Variants in MAP1LC3A observed in about 807,000 individuals in gnomAD.
MAP1LC3A encodes microtubule associated protein 1 light chain 3 alpha, also known as microtubule-associated protein 1 light chain 3 alpha.
Under a neutral mutation model 15.2 loss-of-function variants are expected in MAP1LC3A, and 10 were observed. The observed-to-expected ratio is 0.66, with a 90% CI of 0.41 to 1.12. The LOEUF is 1.12. MAP1LC3A is among the 50% of genes most tolerant of loss of function. The pLI is 0.00. For synonymous variants in MAP1LC3A, 63 were observed against 64.3 expected, an observed-to-expected ratio of 0.98 and a Z score of 0.10; for missense variants, 138 against 167.3, an observed-to-expected ratio of 0.82 and a Z score of 0.97.
At position 34,560,097 on chromosome 20, in the gene MAP1LC3A, G is replaced by T; in HGVS notation, c.*199G>T. On this transcript the variant is annotated 3_prime_UTR_variant, in exon 4 of 4. Coordinates refer to ENST00000360668, the MANE Select transcript of MAP1LC3A (RefSeq NM_032514.4). ...GGTCGTGTTAGGGTTGTCCCTCTGG[G>T]TGCTGGCTGGTGGGATGGGGGAGGG... is the stretch of plus-strand genomic sequence containing the variant. The T allele has an allele frequency of 2.1e-6, 1 of 478,164 alleles. No homozygotes were observed. 29.6% of individuals were successfully genotyped at this position (478,164 alleles called of 1,614,324 possible).
At chr20:34,548,492 AGAG>A (rs34240585) in intron 1 of MAP1LC3A, among the ~76,000 whole-genome samples, 57,695 of 151,846 alleles carry the variant, frequency 0.38, 11,388 homozygotes, top group Admixed American at 0.54. Flanking sequence ...CCCTGGCTCA[AGAG>A]GAGGACAGAT....
At chr20:34,553,034 C>G (rs1982004977) in intron 2 of MAP1LC3A, among the ~76,000 whole-genome samples, 1 of 152,000 alleles carries the variant, frequency 6.6e-6, no homozygotes, top group Non-Finnish European at 1.5e-5. Flanking sequence ...ACCAAAAATA[C>G]AAAAATTAGC....
Position 34,560,273 on chromosome 20 carries a change from C to A in MAP1LC3A, c.*375C>A. ...GACTGGCCCCTGGCTCCCCGCCCCT[C>A]GGTCTCCACGTGGTGTATGGATCTG... On this transcript the variant is annotated 3_prime_UTR_variant, in exon 4 of 4. Coordinates refer to ENST00000360668, the MANE Select transcript of MAP1LC3A (RefSeq NM_032514.4). 1 of 223,346 alleles carries A rather than the reference C, an allele frequency of 4.5e-6. No homozygotes were observed. Among genetic ancestry groups the A allele is most frequent in the Non-Finnish European group, 8.9e-6 (1 of 111,960 alleles). The allele number at this position is 223,346 out of a possible 1,614,324, so 13.8% of individuals were successfully genotyped here. A position where few individuals can be genotyped will look rare whatever the true frequency, so the allele number is the denominator to read the frequency against.
In MAP1LC3A at chr20:34,558,799, G is replaced by GAGCCCCCAA; in HGVS notation, c.-68_-60dup. ...TTGAGCGCGAGGCGCGGAGCCCCCG[G>GAGCCCCCAA]AGCCCCCAAACCGCAGACACATCCC... On this transcript the variant is annotated 5_prime_UTR_variant, in exon 1 of 4. Coordinates refer to ENST00000360668, the MANE Select transcript of MAP1LC3A (RefSeq NM_032514.4). This position sits in a 1 kb window ranked among gnomAD's most constrained non-coding sequence, Gnocchi z 4.3. The GAGCCCCCAA allele has an allele frequency of 2.2e-6, 3 of 1,371,154 alleles. No homozygotes were observed. In the South Asian group the frequency reaches 5.2e-5, roughly 24 times the overall value. 84.9% of individuals were successfully genotyped at this position (1,371,154 alleles called of 1,614,324 possible).
At chr20:34,554,372 T>G (rs1189343817), upstream of MAP1LC3A, among the ~76,000 whole-genome samples, 1 of 38,704 alleles carries the variant, frequency 2.6e-5, no homozygotes, top group South Asian at 8.5e-4. Flanking sequence ...TTTTTTTTTT[T>G]TTTTTTTTTT....
At chr20:34,557,739 A>T (rs1241825703), upstream of MAP1LC3A, among the ~76,000 whole-genome samples, 1 of 152,190 alleles carries the variant, frequency 6.6e-6, no homozygotes, top group African/African-American at 2.4e-5. Flanking sequence ...ATCCTGGCCA[A>T]CATGGTGAAA....
upstream of MAP1LC3A, among the ~76,000 whole-genome samples, chr20:34,556,420 AAACT>A (rs533080778): frequency 4.1e-4 from 63 of 152,306 alleles, no homozygotes; most frequent in South Asian, 3.5e-3. Flanking sequence ...AAAAGTTAAA[AAACT>A]AACTGTCAGG....
rs550144245 is a variant in MAP1LC3A at position 34,559,820 on chromosome 20, G to A, written c.288G>A (p.Ala96=). The change falls in exon 4 of 4, where the codon GCG becomes GCA. Residue 96 remains alanine, a synonymous_variant. Coordinates refer to ENST00000360668, the MANE Select transcript of MAP1LC3A (RefSeq NM_032514.4). ...TGGTGAGTGTGTCCACGCCCATCGC[G>A]GACATCTACGAGCAGGAGAAAGACG... ...HSMVSVSTPI[A]DIYEQEKDED... The A allele has an allele frequency of 3.7e-6, 6 of 1,614,000 alleles. No homozygotes were observed. In the South Asian group the frequency reaches 4.4e-5, roughly 12 times the overall value.
intron 2 of MAP1LC3A, 24 bp downstream of exon 2, chr20:34,559,287 G>GCCCCCC: frequency 6.4e-7 from 1 of 1,564,194 alleles, no homozygotes; most frequent in Non-Finnish European, 8.7e-7. Context: ...CCCCAGCCCT[G>GCCCCCC]CCCCGCCCCC....
upstream of MAP1LC3A, chr20:34,558,342 C>T: frequency 9.1e-6 from 9 of 986,920 alleles, no homozygotes; most frequent in Non-Finnish European, 1.1e-5. This position sits in a 1 kb window ranked among gnomAD's most constrained non-coding sequence, Gnocchi z 4.3. Context: ...CGCCCTAAGC[C>T]CCGTGAAGGC....
intron 3 of MAP1LC3A, 92 bp downstream of exon 3, chr20:34,559,545 G>A: frequency 7.6e-7 from 1 of 1,315,412 alleles, no homozygotes; most frequent in Non-Finnish European, 1.1e-6. Context: ...CAGGGGTGAT[G>A]GGACCGGGCG....
At chr20:34,553,885 CATTT>C (rs1249720482), upstream of MAP1LC3A, among the ~76,000 whole-genome samples, 1 of 152,174 alleles carries the variant, frequency 6.6e-6, no homozygotes. Flanking sequence ...TTGAATAAGA[CATTT>C]AGGTGGTTCC....
chr20:34,550,004 A>G, exon 2 of MAP1LC3A: 1 of 1,614,156 alleles, frequency 6.2e-7, no homozygotes, highest in Non-Finnish European at 8.5e-7. Context: ...TCAGTTCTCC[A>G]TGTGGAAAAG....
In MAP1LC3A at chr20:34,559,764, G is replaced by T; in HGVS notation, c.232G>T (p.Ala78Ser). Residue 78 changes from alanine to serine, a missense_variant, in exon 4 of 4, where the codon GCC becomes TCC. By Grantham distance (99) the Ala-to-Ser change is moderately conservative. Transcript: ENST00000360668. ...RRRLQLNPTQAFFLLVNQHSM... is the reference protein window; with the variant it reads ...RRRLQLNPTQSFFLLVNQHSM... ...CCGCCTGCAGCTGAACCCCACGCAG[G>T]CCTTCTTCCTGCTGGTGAACCAGCA... is the stretch of plus-strand genomic sequence containing the variant. 6.2e-7 allele frequency: 1 copy of T among 1,612,168 alleles called. No individual in the cohort carries two copies. The highest frequency in any genetic ancestry group is 8.5e-7 in the Non-Finnish European group (1 of 1,179,600).
In MAP1LC3A at chr20:34,559,797, G is replaced by C. The variant is rs1982366949; in HGVS notation, c.265G>C (p.Val89Leu). Residue 89 changes from valine to leucine, a missense_variant, in exon 4 of 4, where the codon GTG becomes CTG. Physicochemically the swap from Val to Leu is conservative, Grantham distance 32. Coordinates refer to ENST00000360668, the MANE Select transcript of MAP1LC3A (RefSeq NM_032514.4). The stretch of plus-strand genomic sequence containing the variant: ...CCTGCTGGTGAACCAGCACAGCATG[G>C]TGAGTGTGTCCACGCCCATCGCGGA... ...FFLLVNQHSMVSVSTPIADIY... is the reference protein window; with the variant it reads ...FFLLVNQHSMLSVSTPIADIY... 2 of 1,613,944 alleles carry C rather than the reference G, an allele frequency of 1.2e-6. No homozygotes were observed. Among genetic ancestry groups the C allele is most frequent in the Non-Finnish European group, 1.7e-6 (2 of 1,179,988 alleles).
chr20:34,548,948 C>T (rs1180236271), intron 1 of MAP1LC3A, among the ~76,000 whole-genome samples: 1 of 151,440 alleles, frequency 6.6e-6, no homozygotes, highest in African/African-American at 2.4e-5. Context: ...TCAGGTGATC[C>T]ACCCACCTCG....
At chr20:34,555,150 T>C (rs1402711097), upstream of MAP1LC3A, among the ~76,000 whole-genome samples, 2 of 151,104 alleles carry the variant, frequency 1.3e-5, no homozygotes, top group African/African-American at 4.8e-5. Flanking sequence ...TTTTCTTATT[T>C]TTTTTTTTTT....
chr20:34,557,653 G>A (rs1324264177), upstream of MAP1LC3A, among the ~76,000 whole-genome samples: 1 of 152,164 alleles, frequency 6.6e-6, no homozygotes, highest in Admixed American at 6.5e-5. Context: ...GCGGCCAGGC[G>A]TGGTGGCTCA....
chr20:34,552,208 C>A (rs117582166), intron 2 of MAP1LC3A, among the ~76,000 whole-genome samples: 2 of 152,144 alleles, frequency 1.3e-5, no homozygotes, highest in African/African-American at 4.8e-5. Context: ...AGGTTGGCCA[C>A]GCTGGTCTCA....
Sources: gnomAD v4.1 joint callset for allele counts (sites outside exome capture counted in the v4.1 genomes callset) on GRCh38, gnomAD v4.1.1 for gene constraint, Gnocchi (gnomAD v3.1) non-coding constraint, MANE v1.5 for transcripts, NCBI Gene and HGNC (gene_info 2026-07-23, HGNC 2026-07-21) for gene names.